The following TANGO2 variants were observed in gnomAD, a reference collection of about 807,000 sequenced individuals.
TANGO2 encodes transport and Golgi organization protein 2 homolog.
Under a neutral mutation model 39.1 loss-of-function variants are expected in TANGO2, and 26 were observed. The ratio of observed to expected loss-of-function variants is 0.67; its 90% CI spans 0.49 to 0.92. The LOEUF (loss-of-function observed/expected upper bound fraction) is 0.92. Ranked by LOEUF, TANGO2 falls within the 40% of genes least tolerant of loss-of-function variation. TANGO2 has a pLI of 0.00. For missense variants in TANGO2, 326 were observed against 360.1 expected (o/e 0.91, Z 0.77); for synonymous variants, 131 against 144.5 (o/e 0.91, Z 0.67).
chr22:20,029,617 G>C (rs2041456376), intron 1 of TANGO2, among the ~76,000 whole-genome samples: 1 of 152,164 alleles, frequency 6.6e-6, no homozygotes, highest in African/African-American at 2.4e-5. Flanking sequence ...GACTCCAGGA[G>C]TGTGGGGGGA....
rs7410453 is a variant in TANGO2 at position 20,060,149 on chromosome 22, A to G, written c.452-1381A>G. ...TGGATCACAAGGTCAGGAGATCGAGACCATCCTGGCTAAACCGGTGAAACC... is the reference window on the plus strand; with the variant it reads ...TGGATCACAAGGTCAGGAGATCGAGGCCATCCTGGCTAAACCGGTGAAACC... On this transcript the variant is annotated intron_variant, in intron 6 of 8. Transcript: ENST00000327374. Among the ~76,000 whole-genome samples, 4 of 152,006 alleles carry G rather than the reference A, an allele frequency of 2.6e-5. No individual in the cohort carries two copies. The East Asian group carries it at 7.7e-4, about 29-fold the overall frequency.
intron 3 of TANGO2, among the ~76,000 whole-genome samples, chr22:20,049,632 C>A (rs1302384628): frequency 1.3e-5 from 2 of 150,102 alleles, no homozygotes; most frequent in South Asian, 4.2e-4. Context: ...TGCACTCCAG[C>A]CTGGGTAACA....
At chr22:20,032,855 G>A (rs1430616923) in intron 1 of TANGO2, among the ~76,000 whole-genome samples, 2 of 152,220 alleles carry the variant, frequency 1.3e-5, no homozygotes, top group East Asian at 1.9e-4. Flanking sequence ...CATGCCCTGC[G>A]CCCAGATCAA....
At position 20,036,863 on chromosome 22, in the gene TANGO2, C is replaced by T. The variant is rs1418104467; in HGVS notation, c.56+9C>T. 7 of 1,614,140 alleles carry T rather than the reference C, an allele frequency of 4.3e-6. No individual in the cohort carries two copies. The highest frequency in any genetic ancestry group is 1.6e-4 in the Middle Eastern group (1 of 6,084). On this transcript the variant is annotated intron_variant, in intron 2 of 8. Coordinates refer to ENST00000327374, the MANE Select transcript of TANGO2 (RefSeq NM_152906.7). ...TCCAAAAACGCGTACAGGTAACCCC[C>T]TCGCTCTGCATCTGCTGCGCCCTGC...
chr22:20,060,124 T>C (rs1209288995), intron 6 of TANGO2, among the ~76,000 whole-genome samples: 4 of 151,552 alleles, frequency 2.6e-5, no homozygotes, highest in Middle Eastern at 3.2e-3. Context: ...CCAAGGCGGG[T>C]GGATCACAAG....
intron 5 of TANGO2, 67 bp downstream of exon 5, chr22:20,053,618 C>T (rs747103415): frequency 1.8e-6 from 2 of 1,081,536 alleles, no homozygotes; most frequent in South Asian, 2.5e-5. Context: ...TCAGGCTCAT[C>T]AGGAAGTGGG....
chr22:20,030,778 A>C (rs1399375117), intron 1 of TANGO2, among the ~76,000 whole-genome samples: 1 of 152,196 alleles, frequency 6.6e-6, no homozygotes, highest in East Asian at 1.9e-4. Context: ...AGTTGCTGTA[A>C]AATTTTTTAA....
chr22:20,061,894 C>T lies in TANGO2; in HGVS notation c.605+211C>T, dbSNP rs559928192. On this transcript the variant is annotated intron_variant, in intron 7 of 8. Coordinates refer to ENST00000327374, the MANE Select transcript of TANGO2 (RefSeq NM_152906.7). Reference sequence around the variant, plus strand: ...GGGACTTTTGATGACAGAAGATGGGCCCAGGCCCAGGCCCAGGCCCAGGGG... The same window carrying T: ...GGGACTTTTGATGACAGAAGATGGGTCCAGGCCCAGGCCCAGGCCCAGGGG... 1.2e-5 allele frequency: 7 copies of T among 571,040 alleles called. No homozygotes were observed. In the East Asian group the frequency reaches 2.2e-4, roughly 18 times the overall value. The allele number at this position is 571,040 out of a possible 1,614,324, so 35.4% of individuals were successfully genotyped here.
intron 2 of TANGO2, among the ~76,000 whole-genome samples, chr22:20,037,366 A>T (rs1440393427): frequency 1.3e-5 from 2 of 152,078 alleles, no homozygotes; most frequent in African/African-American, 4.8e-5. Context: ...CTGACCCTGG[A>T]CTCAGGACGG....
intron 1 of TANGO2, among the ~76,000 whole-genome samples, chr22:20,031,911 A>T (rs2041939726): frequency 6.6e-6 from 1 of 152,154 alleles, no homozygotes; most frequent in African/African-American, 2.4e-5. Context: ...GGCCCACTTG[A>T]TCCCAGCATC....
At chr22:20,060,002 C>T (rs2147761694) in intron 6 of TANGO2, among the ~76,000 whole-genome samples, 1 of 151,472 alleles carries the variant, frequency 6.6e-6, no homozygotes, top group South Asian at 2.1e-4. Flanking sequence ...GTCACCCAGG[C>T]TGGAGTGCAG....
At chr22:20,056,637 C>T (rs942402133) in intron 6 of TANGO2, 12 of 456,612 alleles carry the variant, frequency 2.6e-5, no homozygotes, top group Non-Finnish European at 5.3e-5. Context: ...TGCCAGTGCC[C>T]CAACCTGGAG....
rs184030192 is a variant in TANGO2 at position 20,064,199 on chromosome 22, C to G, written c.711-343C>G. 5.3e-5 allele frequency among the ~76,000 whole-genome samples: 8 copies of G among 152,362 alleles called. No homozygotes were observed. The East Asian group carries it at 1.3e-3, about 26-fold the overall frequency. ...TTGGAAGAACCAAGCATGGCTGTGTCTGGGAACCTGGGCCTCCAAAGGGGA... is the reference window on the plus strand; with the variant it reads ...TTGGAAGAACCAAGCATGGCTGTGTGTGGGAACCTGGGCCTCCAAAGGGGA... On this transcript the variant is annotated intron_variant, in intron 8 of 8. Coordinates refer to ENST00000327374, the MANE Select transcript of TANGO2 (RefSeq NM_152906.7).
At chr22:20,048,205 A>G (rs1332249227) in intron 3 of TANGO2, 4 of 152,242 alleles carry the variant, frequency 2.6e-5, no homozygotes, top group East Asian at 3.9e-4. Context: ...CATTACAGGC[A>G]TGAGCTGCCG....
At chr22:20,045,046 C>A (rs2044844363) in intron 3 of TANGO2, among the ~76,000 whole-genome samples, 1 of 152,176 alleles carries the variant, frequency 6.6e-6, no homozygotes, top group Non-Finnish European at 1.5e-5. Context: ...TCCTCTCACT[C>A]TCTGGCGTCA....
At chr22:20,043,818 C>A (rs1420852220) in intron 3 of TANGO2, among the ~76,000 whole-genome samples, 1 of 152,068 alleles carries the variant, frequency 6.6e-6, no homozygotes, top group Non-Finnish European at 1.5e-5. Context: ...CGTGTGTATG[C>A]GTGCGTGTGT....
intron 4 of TANGO2, among the ~76,000 whole-genome samples, chr22:20,052,803 G>A (rs546528590): frequency 2.0e-5 from 3 of 152,252 alleles, no homozygotes; most frequent in South Asian, 2.1e-4. Context: ...GTGACAAAGC[G>A]TGGCAGGGCA....
intron 6 of TANGO2, chr22:20,056,308 T>G: frequency 1.6e-6 from 1 of 621,182 alleles, no homozygotes; most frequent in Non-Finnish European, 3.0e-6. Context: ...TCACTTCCTG[T>G]GCCGTCCCAG....
chr22:20,019,869 C>T (rs115149055), upstream of TANGO2, among the ~76,000 whole-genome samples: 2,671 of 152,368 alleles, frequency 0.018, 73 homozygotes, highest in African/African-American at 0.061. Flanking sequence ...GCTGGGTCTG[C>T]GGCCCGCTGG....
Sources: gnomAD v4.1 joint callset for allele counts (sites outside exome capture counted in the v4.1 genomes callset) on GRCh38, gnomAD v4.1.1 for gene constraint, MANE v1.5 for transcripts, NCBI Gene and HGNC (gene_info 2026-07-23, HGNC 2026-07-21) for gene names.